NDUFAF6: variants seen among roughly 807,000 people sequenced by gnomAD.
The protein encoded by NDUFAF6 is NADH dehydrogenase (ubiquinone) complex I, assembly factor 6.
A neutral mutation model predicts 40.8 loss-of-function variants in NDUFAF6; 45 were observed. That is an observed-to-expected ratio of 1.10 (90% CI 0.87 to 1.42). NDUFAF6 has a LOEUF of 1.42. Ranked by LOEUF, NDUFAF6 falls within the 40% of genes most tolerant of loss-of-function variation. The probability of loss-of-function intolerance (pLI) is 0.00; values close to 1 mark genes in which losing one functional copy is unlikely to be tolerated. For synonymous variants in NDUFAF6, 185 were observed against 155.9 expected, an observed-to-expected ratio of 1.19 and a Z score of -1.39; for missense variants, 435 against 418.5, an observed-to-expected ratio of 1.04 and a Z score of -0.34.
At chr8:95,037,556 T>C (rs1043678817) in intron 3 of NDUFAF6, among the ~76,000 whole-genome samples, 2 of 151,976 alleles carry the variant, frequency 1.3e-5, no homozygotes, top group African/African-American at 2.4e-5. Flanking sequence ...AGTCCTGCCA[T>C]GTAGTAGTAG....
downstream of NDUFAF6, among the ~76,000 whole-genome samples, chr8:95,060,024 G>A (rs1225468132): frequency 7.9e-6 from 1 of 126,040 alleles, no homozygotes; most frequent in South Asian, 2.6e-4. Flanking sequence ...CTTTCTAAGG[G>A]TCTTAAAAGG....
At chr8:95,074,971 A>G (rs2132042646) in intron 9 of NDUFAF6, among the ~76,000 whole-genome samples, 1 of 152,346 alleles carries the variant, frequency 6.6e-6, no homozygotes, top group Middle Eastern at 3.4e-3. Flanking sequence ...TCAGGCAGCC[A>G]GCAACCCCAC....
chr8:94,999,202 C>T (rs1826599880), intron 2 of NDUFAF6, among the ~76,000 whole-genome samples: 1 of 151,204 alleles, frequency 6.6e-6, no homozygotes, highest in Admixed American at 6.6e-5. Flanking sequence ...CAGCTCACTG[C>T]AACCTCCGCC....
At chr8:94,953,774 A>G (rs1822835110), upstream of NDUFAF6, among the ~76,000 whole-genome samples, 1 of 151,428 alleles carries the variant, frequency 6.6e-6, no homozygotes, top group Admixed American at 6.6e-5. Flanking sequence ...CTGCCTAAAT[A>G]ATCTACCTAT....
intron 2 of NDUFAF6, among the ~76,000 whole-genome samples, chr8:95,009,486 G>T (rs1158783884): frequency 6.6e-6 from 1 of 152,198 alleles, no homozygotes; most frequent in African/African-American, 2.4e-5. Context: ...ACCAGATATA[G>T]TTGGATTTAG....
intron 1 of NDUFAF6, among the ~76,000 whole-genome samples, chr8:94,970,397 G>T (rs1363687271): frequency 6.6e-6 from 1 of 151,840 alleles, no homozygotes; most frequent in Non-Finnish European, 1.5e-5. Context: ...AAATGCAAAT[G>T]AAAAAGCTAG....
At chr8:94,922,181 G>T (rs1258797541) in intron 1 of NDUFAF6, among the ~76,000 whole-genome samples, 1 of 151,754 alleles carries the variant, frequency 6.6e-6, no homozygotes, top group South Asian at 2.1e-4. Flanking sequence ...CTAATTTTTT[G>T]TATTTTTTAA....
chr8:95,099,844 A>G (rs1809594938), upstream of NDUFAF6, among the ~76,000 whole-genome samples: 1 of 152,124 alleles, frequency 6.6e-6, no homozygotes. Context: ...TCATCACTAA[A>G]TCGTTTCCTA....
intron 2 of NDUFAF6, chr8:94,984,305 G>C (rs893503038): frequency 1.3e-5 from 2 of 152,012 alleles, no homozygotes; most frequent in African/African-American, 4.8e-5. Flanking sequence ...AAAAAACAGG[G>C]AGTTAAAATC....
intron 1 of NDUFAF6, among the ~76,000 whole-genome samples, chr8:94,979,370 G>A (rs753555353): frequency 1.0e-3 from 159 of 152,244 alleles, no homozygotes; most frequent in Admixed American, 2.8e-3. Context: ...TCACTTCCTT[G>A]AGGAATGCTG....
intron 7 of NDUFAF6, among the ~76,000 whole-genome samples, chr8:95,050,058 A>G (rs1371954903): frequency 1.3e-5 from 2 of 152,224 alleles, no homozygotes; most frequent in Non-Finnish European, 2.9e-5. Flanking sequence ...AATACATGGA[A>G]CTTTAGATGA....
chr8:94,913,894 C>T (rs1204601518), intron 1 of NDUFAF6, among the ~76,000 whole-genome samples: 1 of 152,142 alleles, frequency 6.6e-6, no homozygotes, highest in Non-Finnish European at 1.5e-5. Flanking sequence ...TGAGCTTAAG[C>T]GATTCTCCTG....
chr8:94,934,620 T>A (rs1820783638), intron 1 of NDUFAF6, among the ~76,000 whole-genome samples: 1 of 152,040 alleles, frequency 6.6e-6, no homozygotes, highest in South Asian at 2.1e-4. Context: ...GACCTCGTGA[T>A]CCACCCACCC....
intron 4 of NDUFAF6, among the ~76,000 whole-genome samples, chr8:95,114,638 G>A (rs1257732981): frequency 6.6e-6 from 1 of 152,102 alleles, no homozygotes; most frequent in Non-Finnish European, 1.5e-5. Flanking sequence ...CTGACTTTCT[G>A]TATATATTTT....
intron 2 of NDUFAF6, among the ~76,000 whole-genome samples, chr8:94,946,779 A>G (rs529872619): frequency 4.0e-5 from 6 of 149,188 alleles, no homozygotes; most frequent in Admixed American, 1.4e-4. Flanking sequence ...TGAATTCAGG[A>G]TATTTACTAA....
At chr8:95,008,457 A>T (rs538685378) in intron 2 of NDUFAF6, among the ~76,000 whole-genome samples, 1 of 152,214 alleles carries the variant, frequency 6.6e-6, no homozygotes, top group African/African-American at 2.4e-5. Context: ...AAGGAATTCT[A>T]TCCAGAGCTA....
intron 2 of NDUFAF6, among the ~76,000 whole-genome samples, chr8:95,032,701 G>A (rs1351169042): frequency 1.3e-5 from 2 of 152,192 alleles, no homozygotes; most frequent in Non-Finnish European, 2.9e-5. Flanking sequence ...AAATTGAGAG[G>A]TCAGATATTG....
intron 2 of NDUFAF6, among the ~76,000 whole-genome samples, chr8:95,092,605 G>T (rs13280647): frequency 3.2e-5 from 4 of 124,818 alleles, no homozygotes; most frequent in Non-Finnish European, 4.9e-5. Flanking sequence ...TTTTTTTTGA[G>T]ATAGAGTCTC....
intron 2 of NDUFAF6, among the ~76,000 whole-genome samples, chr8:94,948,635 A>T (rs1490606473): frequency 6.6e-6 from 1 of 152,068 alleles, no homozygotes; most frequent in African/African-American, 2.4e-5. Flanking sequence ...GCGGGGACAG[A>T]GCGCCGGGCC....
Sources: gnomAD v4.1 joint callset for allele counts (sites outside exome capture counted in the v4.1 genomes callset) on GRCh38, gnomAD v4.1.1 for gene constraint, MANE v1.5 for transcripts, NCBI Gene and HGNC (gene_info 2026-07-23, HGNC 2026-07-21) for gene names.